The following TAFA5 variants were observed in gnomAD, a reference collection of about 807,000 sequenced individuals.
The protein encoded by TAFA5 is TAFA chemokine like family member 5, also known as chemokine-like protein TAFA-5.
Under a neutral mutation model 15.3 loss-of-function variants are expected in TAFA5, and 6 were observed. The observed-to-expected ratio is 0.39, with a 90% CI of 0.21 to 0.77. The LOEUF is 0.77. Among genes scored for constraint, TAFA5 ranks in the 30% least tolerant of loss-of-function variants. TAFA5 has a pLI of 0.41. For missense variants in TAFA5, 161 were observed against 193.1 expected (o/e 0.83, Z 0.98); for synonymous variants, 103 against 80.7 (o/e 1.28, Z -1.48).
At chr22:48,654,323 C>T (rs1186889497) in intron 2 of TAFA5, among the ~76,000 whole-genome samples, 3 of 152,184 alleles carry the variant, frequency 2.0e-5, no homozygotes, top group Non-Finnish European at 2.9e-5. Flanking sequence ...GTCCTGGCCC[C>T]CTCGAACTCT....
intron 1 of TAFA5, among the ~76,000 whole-genome samples, chr22:48,609,713 G>T (rs530203444): frequency 3.9e-5 from 6 of 152,364 alleles, no homozygotes; most frequent in African/African-American, 1.4e-4. Flanking sequence ...CACGACTGGT[G>T]TGGAGCCGCC....
chr22:48,502,079 C>G (rs1468097760), intron 1 of TAFA5, among the ~76,000 whole-genome samples: 1 of 152,244 alleles, frequency 6.6e-6, no homozygotes, highest in East Asian at 1.9e-4. Flanking sequence ...GCTGTCTCTA[C>G]CATGACGGTT....
chr22:48,612,400 G>A lies in TAFA5; in HGVS notation c.113-34197G>A, dbSNP rs73173446. Among the ~76,000 whole-genome samples, 100 of 152,248 alleles carry A rather than the reference G, an allele frequency of 6.6e-4. 4 individuals are homozygous for A. Among genetic ancestry groups the A allele is most frequent in the Non-Finnish European group, 2.5e-4 (17 of 68,012 alleles). On this transcript the variant is annotated intron_variant, in intron 1 of 3. Coordinates refer to ENST00000402357, the MANE Select transcript of TAFA5 (RefSeq NM_001082967.3). ...AGACTGCAAAGGGGTTAAATGGCCC[G>A]TGTACCTCCCTGCAACACTGACATT...
chr22:48,734,408 G>A (rs572043721), intron 3 of TAFA5, among the ~76,000 whole-genome samples: 2 of 152,324 alleles, frequency 1.3e-5, no homozygotes, highest in South Asian at 2.1e-4. Context: ...ATGATTTTAC[G>A]TTTTATCCTA....
At chr22:48,701,025 GTT>G (rs1399819782) in intron 2 of TAFA5, among the ~76,000 whole-genome samples, 1 of 152,250 alleles carries the variant, frequency 6.6e-6, no homozygotes, top group East Asian at 1.9e-4. Flanking sequence ...CCCTCTGGCT[GTT>G]ACTAGAAGCA....
chr22:48,633,438 C>T (rs1399850311), intron 1 of TAFA5, among the ~76,000 whole-genome samples: 1 of 152,150 alleles, frequency 6.6e-6, no homozygotes, highest in Admixed American at 6.5e-5. Context: ...CACCCACGTG[C>T]AGGGGCTCTT....
intron 2 of TAFA5, among the ~76,000 whole-genome samples, chr22:48,678,757 A>G (rs565337966): frequency 7.2e-6 from 1 of 138,854 alleles, no homozygotes; most frequent in Non-Finnish European, 1.5e-5. Flanking sequence ...CGGAAAAACA[A>G]AGTTAAAAAA....
chr22:48,609,880 C>A (rs1925335652), intron 1 of TAFA5, among the ~76,000 whole-genome samples: 1 of 152,196 alleles, frequency 6.6e-6, no homozygotes, highest in African/African-American at 2.4e-5. Context: ...CTGCCTCCAC[C>A]ACATACAGCC....
At chr22:48,648,755 G>A (rs1032073810) in intron 2 of TAFA5, among the ~76,000 whole-genome samples, 2 of 152,170 alleles carry the variant, frequency 1.3e-5, no homozygotes, top group African/African-American at 2.4e-5. Flanking sequence ...TTGAACCCGG[G>A]AGGCGGAGGT....
intron 3 of TAFA5, among the ~76,000 whole-genome samples, chr22:48,733,877 CTT>C (rs1044113478): frequency 6.6e-6 from 1 of 152,210 alleles, no homozygotes; most frequent in African/African-American, 2.4e-5. Flanking sequence ...CTGTCTGACT[CTT>C]TGCAGCACAA....
chr22:48,749,904 T>A lies in TAFA5; in HGVS notation c.*57T>A. On this transcript the variant is annotated 3_prime_UTR_variant, in exon 4 of 4. Coordinates refer to ENST00000402357, the MANE Select transcript of TAFA5 (RefSeq NM_001082967.3). ...GCCTTGGCTCCCTGGAGAGCCCACG[T>A]CTCAGCCACAGTTCTCCACTCGCCT... 1.3e-6 allele frequency: 2 copies of A among 1,496,848 alleles called. No homozygotes were observed. The highest frequency in any genetic ancestry group is 9.1e-7 in the Non-Finnish European group (1 of 1,098,644). The allele number at this position is 1,496,848 out of a possible 1,614,324, so 92.7% of individuals were successfully genotyped here.
intron 2 of TAFA5, among the ~76,000 whole-genome samples, chr22:48,676,721 G>A (rs1014554291): frequency 3.3e-5 from 5 of 152,206 alleles, no homozygotes; most frequent in South Asian, 2.1e-4. Flanking sequence ...GCCGGGGAGC[G>A]GGTATGCACT....
chr22:48,492,883 A>G (rs1339136381), intron 1 of TAFA5, among the ~76,000 whole-genome samples: 3 of 152,178 alleles, frequency 2.0e-5, no homozygotes, highest in Non-Finnish European at 4.4e-5. Flanking sequence ...GTGTGGCTTA[A>G]AAAGAGTTGA....
At chr22:48,632,543 C>CG (rs1190146359) in intron 1 of TAFA5, among the ~76,000 whole-genome samples, 12 of 151,186 alleles carry the variant, frequency 7.9e-5, no homozygotes, top group African/African-American at 3.0e-4. Flanking sequence ...GCCACCCTTG[C>CG]GGGGATACTA....
intron 1 of TAFA5, among the ~76,000 whole-genome samples, chr22:48,634,152 A>G (rs1179473845): frequency 6.6e-6 from 1 of 151,966 alleles, no homozygotes; most frequent in African/African-American, 2.4e-5. Context: ...TCATTTATTC[A>G]CTCACTTATT....
chr22:48,748,785 G>C (rs1930399232), intron 3 of TAFA5, among the ~76,000 whole-genome samples: 1 of 152,210 alleles, frequency 6.6e-6, no homozygotes, highest in African/African-American at 2.4e-5. Context: ...GCAGTTGCGA[G>C]ACCCTCATCA....
At chr22:48,513,676 A>G (rs1337149761) in intron 1 of TAFA5, among the ~76,000 whole-genome samples, 2 of 152,242 alleles carry the variant, frequency 1.3e-5, no homozygotes, top group Non-Finnish European at 2.9e-5. Context: ...TGGTTCTGAC[A>G]GGGCCCTGGC....
chr22:48,633,757 A>G (rs911085004), intron 1 of TAFA5, among the ~76,000 whole-genome samples: 2 of 152,168 alleles, frequency 1.3e-5, no homozygotes, highest in African/African-American at 4.8e-5. Context: ...ACTTGTGGAA[A>G]GTTACATATT....
chr22:48,610,727 C>G (rs1242974359), intron 1 of TAFA5, among the ~76,000 whole-genome samples: 1 of 152,174 alleles, frequency 6.6e-6, no homozygotes, highest in Non-Finnish European at 1.5e-5. Flanking sequence ...TGTGTGTTGA[C>G]TCCGCCTTGC....
Sources: allele counts gnomAD v4.1 joint callset (sites outside exome capture counted in the v4.1 genomes callset), GRCh38; gene constraint gnomAD v4.1.1; transcripts MANE v1.5; gene names NCBI Gene and HGNC (gene_info 2026-07-23, HGNC 2026-07-21).